The following KIF14 variants were observed in gnomAD, a reference collection of about 807,000 sequenced individuals.
The protein encoded by KIF14 is kinesin family member 14, also known as kinesin-like protein KIF14.
In KIF14, 98 loss-of-function variants were observed where a neutral mutation model predicts 176.2. That is an observed-to-expected ratio of 0.56 (90% CI 0.47 to 0.66). The LOEUF (loss-of-function observed/expected upper bound fraction) is 0.66, where lower values mean the gene tolerates loss of function less well. Ranked by LOEUF, KIF14 falls within the 30% of genes least tolerant of loss-of-function variation. The pLI is 0.00. For missense variants in KIF14, 1,751 were observed against 1,920.4 expected (o/e 0.91, Z 1.65); for synonymous variants, 566 against 632.2 (o/e 0.90, Z 1.57).
At chr1:200,612,358 C>G (rs922314218) in intron 4 of KIF14, among the ~76,000 whole-genome samples, 1 of 152,206 alleles carries the variant, frequency 6.6e-6, no homozygotes, top group Non-Finnish European at 1.5e-5. Context: ...AGTCATTCCA[C>G]GCAAAATCTG....
intron 19 of KIF14, among the ~76,000 whole-genome samples, chr1:200,585,535 C>T (rs556418541): frequency 7.2e-5 from 11 of 152,242 alleles, no homozygotes; most frequent in Middle Eastern, 3.4e-3. Flanking sequence ...TGAAATTTGG[C>T]TTACTATTTG....
intron 4 of KIF14, among the ~76,000 whole-genome samples, chr1:200,611,185 T>G (rs951426990): frequency 2.0e-5 from 3 of 152,128 alleles, no homozygotes; most frequent in Admixed American, 1.3e-4. Context: ...GACCCAGAAG[T>G]GAGTCAGCAA....
At chr1:200,575,818 TAA>T (rs1658071871) in intron 21 of KIF14, 127 bp from the exon 22 acceptor site, 2 of 446,894 alleles carry the variant, frequency 4.5e-6, no homozygotes, top group East Asian at 6.8e-5. Context: ...TATTATCTGA[TAA>T]GTCTAAAAAA....
At chr1:200,583,591 A>C (rs910511084) in intron 19 of KIF14, among the ~76,000 whole-genome samples, 1 of 152,202 alleles carries the variant, frequency 6.6e-6, no homozygotes, top group Non-Finnish European at 1.5e-5. Flanking sequence ...AAAAGTTTAT[A>C]TTAAAAATAT....
chr1:200,578,669 T>G (rs1197816179), intron 21 of KIF14, among the ~76,000 whole-genome samples: 2 of 152,032 alleles, frequency 1.3e-5, no homozygotes, highest in South Asian at 4.2e-4. Flanking sequence ...AAATTAAAAA[T>G]GCCTGTATAA....
At chr1:200,605,542 G>C (rs1209668280) in intron 7 of KIF14, 152 bp from the exon 8 acceptor site, 5 of 530,408 alleles carry the variant, frequency 9.4e-6, no homozygotes, top group African/African-American at 2.0e-5. Context: ...ATACACATTT[G>C]TAATTAATTT....
chr1:200,559,497 G>T, intron 26 of KIF14, 45 bp from the exon 27 acceptor site: 3 of 1,188,308 alleles, frequency 2.5e-6, no homozygotes, highest in Non-Finnish European at 1.1e-6. Flanking sequence ...TAGGTTTTAT[G>T]TATTTTAATT....
intron 11 of KIF14, among the ~76,000 whole-genome samples, chr1:200,600,806 T>C (rs529546582): frequency 5.3e-4 from 81 of 152,284 alleles, no homozygotes; most frequent in African/African-American, 1.7e-3. Flanking sequence ...AGTGAAAGTT[T>C]ATTTAAAAAG....
chr1:200,589,417 AAAAGTAC>A lies in KIF14; in HGVS notation c.2962-55_2962-49del, dbSNP rs778926722. On this transcript the variant is annotated intron_variant, in intron 17 of 29. Coordinates refer to ENST00000367350, the MANE Select transcript of KIF14 (RefSeq NM_014875.3). ...ATATCTCAGGCAAAAACCGTAGCAA[AAAAGTAC>A]AAAAGTCCCTTTCTTTAACCAATGT... is the stretch of plus-strand genomic sequence containing the variant. 1.0e-3 allele frequency: 1,495 copies of A among 1,462,056 alleles called. 2 individuals carry two copies. The highest frequency in any genetic ancestry group is 1.7e-3 in the Admixed American group (78 of 46,960). The allele number at this position is 1,462,056 out of a possible 1,614,324, so 90.6% of individuals were successfully genotyped here. A position where few individuals can be genotyped will look rare whatever the true frequency, so the allele number is the denominator to read the frequency against.
At chr1:200,583,941 A>T (rs929101997) in intron 19 of KIF14, among the ~76,000 whole-genome samples, 4 of 133,120 alleles carry the variant, frequency 3.0e-5, no homozygotes, top group Non-Finnish European at 6.7e-5. Flanking sequence ...AAAAGACTTT[A>T]AAAAAAAAAA....
chr1:200,586,155 T>C lies in KIF14; in HGVS notation c.3187A>G (p.Lys1063Glu). 6.2e-7 allele frequency: 1 copy of C among 1,603,104 alleles called. No homozygotes were observed. Among genetic ancestry groups the C allele is most frequent in the South Asian group, 1.1e-5 (1 of 89,766 alleles). Reference sequence around the variant, plus strand: ...TTCTGCTGTAGAATTTGTACTTCTTTAGCAATTTTTTGCTTTTCAGTTTCT... The same window carrying C: ...TTCTGCTGTAGAATTTGTACTTCTTCAGCAATTTTTTGCTTTTCAGTTTCT... Reference protein sequence around the residue: ...ALETEKQKIAKEVQILQQNRN... With the variant: ...ALETEKQKIAEEVQILQQNRN... The change falls in exon 19 of 30, where the codon AAA becomes GAA. Residue 1063 changes from lysine to glutamate, a missense_variant. Transcript: ENST00000367350.
At chr1:200,557,154 C>T (rs975876575) in intron 27 of KIF14, among the ~76,000 whole-genome samples, 4 of 152,176 alleles carry the variant, frequency 2.6e-5, no homozygotes, top group African/African-American at 9.6e-5. Context: ...CAGATGTGCA[C>T]CACCACGCTC....
chr1:200,567,924 T>C (rs4915204), intron 23 of KIF14, among the ~76,000 whole-genome samples: 80,520 of 151,832 alleles, frequency 0.53, 22,125 homozygotes, highest in East Asian at 0.69. Context: ...ATAATGACTA[T>C]AGTAGAGTCA....
In KIF14 at chr1:200,557,428, C is replaced by T. The variant is rs533869146; in HGVS notation, c.4353+1902G>A. Among the ~76,000 whole-genome samples, 7 of 152,282 alleles carry T rather than the reference C, an allele frequency of 4.6e-5. No individual in the cohort carries two copies. The East Asian group carries it at 7.7e-4, about 17-fold the overall frequency. ...CCAGGCACTATATTTTTAGCATTTT[C>T]GTATACGTTGTTTCTTCATCTCATA... On this transcript the variant is annotated intron_variant, in intron 27 of 29. Coordinates refer to ENST00000367350, the MANE Select transcript of KIF14 (RefSeq NM_014875.3).
chr1:200,564,092 T>A (rs1334839853), intron 25 of KIF14, among the ~76,000 whole-genome samples: 1 of 151,832 alleles, frequency 6.6e-6, no homozygotes, highest in Non-Finnish European at 1.5e-5. Context: ...TGAAACCCCA[T>A]CTCTACTAAA....
intron 3 of KIF14, among the ~76,000 whole-genome samples, chr1:200,614,659 T>C (rs1264710398): frequency 6.6e-6 from 1 of 151,960 alleles, no homozygotes; most frequent in East Asian, 1.9e-4. Context: ...TGTGAAAGAA[T>C]ATAAGCAAAG....
Position 200,585,919 on chromosome 1 carries a change from T to C in KIF14, c.3241+182A>G, listed in dbSNP as rs77698245. ...GTCTAAAGCATTGATATAATAAATA[T>C]TCTAAAAGCTGAATATTCAAAAACA... On this transcript the variant is annotated intron_variant, in intron 19 of 29. Transcript: ENST00000367350. Among the ~76,000 whole-genome samples, 7,224 of 152,278 alleles carry C rather than the reference T, an allele frequency of 0.047. 257 individuals are homozygous for C. The highest frequency in any genetic ancestry group is 0.074 in the Non-Finnish European group (5,019 of 68,010).
intron 2 of KIF14, among the ~76,000 whole-genome samples, chr1:200,615,965 TG>T (rs983774671): frequency 1.3e-5 from 2 of 152,050 alleles, no homozygotes; most frequent in Non-Finnish European, 1.5e-5. Flanking sequence ...TATACAAATT[TG>T]GGGGGGTACC....
rs760477558 is a variant in KIF14 at position 200,618,254 on chromosome 1, G to A, written c.470C>T (p.Ser157Phe). The change falls in exon 2 of 30, where the codon TCT becomes TTT. Residue 157 changes from serine to phenylalanine, a missense_variant. Physicochemically the swap from Ser to Phe is radical, Grantham distance 155. Transcript: ENST00000367350. ...CCTTACATTTGTTCTACTTTCCTTA[G>A]AAACACCATTATTTTCTGTTTCACC... The part of the protein sequence containing the change: ...VGGETENNGV[S>F]KESRTNVRIV... The A allele has an allele frequency of 6.2e-7, 1 of 1,613,692 alleles. No homozygotes were observed. The highest frequency in any genetic ancestry group is 8.5e-7 in the Non-Finnish European group (1 of 1,179,996).
Sources: allele counts gnomAD v4.1 joint callset (sites outside exome capture counted in the v4.1 genomes callset), GRCh38; gene constraint gnomAD v4.1.1; transcripts MANE v1.5; gene names NCBI Gene and HGNC (gene_info 2026-07-23, HGNC 2026-07-21).